GTPBP1: variants seen among roughly 807,000 people sequenced by gnomAD.
GTPBP1 encodes the protein GTP binding protein 1, also known as GTP-binding protein 1.
In GTPBP1, 23 loss-of-function variants were observed where a neutral mutation model predicts 62.0. That is an observed-to-expected ratio of 0.37 (90% confidence interval 0.27 to 0.53). The LOEUF is 0.53. Ranked by LOEUF, GTPBP1 falls within the 20% of genes least tolerant of loss-of-function variation. The pLI is 0.89. For synonymous variants in GTPBP1, 344 were observed against 364.4 expected (o/e 0.94, Z 0.64); for missense variants, 640 against 917.3 (o/e 0.70, Z 3.90).
At position 38,727,623 on chromosome 22, in the gene GTPBP1, G is replaced by A. The variant is rs1049251277; in HGVS notation, c.1537+275G>A. Among the ~76,000 whole-genome samples, 4 of 152,166 alleles carry A rather than the reference G, an allele frequency of 2.6e-5. No individual in the cohort carries two copies. The highest frequency in any genetic ancestry group is 4.4e-5 in the Non-Finnish European group (3 of 68,022). Reference sequence around the variant, plus strand: ...TGCTGAACGCTGCTATGTGCCCAGCGGTGTTGCTAAGGTGCTGGGAACAAA... The same window carrying A: ...TGCTGAACGCTGCTATGTGCCCAGCAGTGTTGCTAAGGTGCTGGGAACAAA... On this transcript the variant is annotated intron_variant, in intron 9 of 11. Coordinates refer to ENST00000216044, the MANE Select transcript of GTPBP1 (RefSeq NM_004286.5). The surrounding 1 kb of genome is among the most constrained non-coding windows in gnomAD (Gnocchi z 6.5).
rs1197124799 is a variant in GTPBP1 at position 38,730,355 on chromosome 22, G to A, written c.1918-257G>A. On this transcript the variant is annotated intron_variant, in intron 11 of 11. Coordinates refer to ENST00000216044, the MANE Select transcript of GTPBP1 (RefSeq NM_004286.5). The surrounding 1 kb of genome is among the most constrained non-coding windows in gnomAD (Gnocchi z 5.6). ...TGCTCTGCTTTGTGCTTCTCTGAAC[G>A]GCCGCTTCTCACACCCTCATCATGT... Among the ~76,000 whole-genome samples the A allele has an allele frequency of 1.3e-5, 2 of 152,062 alleles. No individual in the cohort carries two copies. The highest frequency in any genetic ancestry group is 2.1e-4 in the South Asian group (1 of 4,822).
In GTPBP1 at chr22:38,731,010, TTGTGTGTGTGTGTGTG is replaced by T. The variant is rs397836314; in HGVS notation, c.*331_*346del. The T allele has an allele frequency of 1.1e-4, 21 of 183,658 alleles. No homozygotes were observed. Among genetic ancestry groups the T allele is most frequent in the East Asian group, 6.3e-4 (4 of 6,390 alleles). 11.4% of individuals were successfully genotyped at this position (183,658 alleles called of 1,614,324 possible). A position where few individuals can be genotyped will look rare whatever the true frequency, so the allele number is the denominator to read the frequency against. ...TATTATATGTCTCTGTCTCTCTCTA[TTGTGTGTGTGTGTGTG>T]TGTGTGTGTGTGTGTGTGTGTGTGG... On this transcript the variant is annotated 3_prime_UTR_variant, in exon 12 of 12. Transcript: ENST00000216044.
chr22:38,736,372 C>G, downstream of GTPBP1: 1 of 1,613,206 alleles, frequency 6.2e-7, no homozygotes, highest in South Asian at 1.1e-5. Context: ...ACGTGGCCAT[C>G]GTAGGGGCCT....
chr22:38,711,578 A>G (rs535996946), intron 2 of GTPBP1, among the ~76,000 whole-genome samples: 32 of 152,322 alleles, frequency 2.1e-4, no homozygotes, highest in African/African-American at 7.7e-4. Flanking sequence ...AAGAAGACTC[A>G]TGCCTATAAT....
intron 4 of GTPBP1, among the ~76,000 whole-genome samples, chr22:38,718,838 C>T (rs1428593531): frequency 1.3e-5 from 2 of 152,152 alleles, no homozygotes; most frequent in Non-Finnish European, 2.9e-5. Flanking sequence ...GTACTCAGAT[C>T]AGCAAATGTG....
Position 38,726,525 on chromosome 22 carries a change from C to T in GTPBP1, c.1401+85C>T. ...GATGCCCTGCTCACCCACTCTAGTC[C>T]TCATGGCTGCTCTGCAAGGTCGGGA... is the stretch of plus-strand genomic sequence containing the variant. On this transcript the variant is annotated intron_variant, in intron 8 of 11. Coordinates refer to ENST00000216044, the MANE Select transcript of GTPBP1 (RefSeq NM_004286.5). The surrounding 1 kb of genome is among the most constrained non-coding windows in gnomAD (Gnocchi z 4.1). 8.9e-7 allele frequency: 1 copy of T among 1,126,280 alleles called. No homozygotes were observed. Among genetic ancestry groups the T allele is most frequent in the Non-Finnish European group, 1.3e-6 (1 of 763,292 alleles). The allele number at this position is 1,126,280 out of a possible 1,614,324, so 69.8% of individuals were successfully genotyped here.
chr22:38,721,931 T>C, intron 5 of GTPBP1, 66 bp downstream of exon 5: 1 of 1,276,280 alleles, frequency 7.8e-7, no homozygotes, highest in South Asian at 1.8e-5. Flanking sequence ...TGCCTTCAGG[T>C]GGTCTGCTAC....
At position 38,728,186 on chromosome 22, in the gene GTPBP1, G is replaced by C. The variant is rs114506749; in HGVS notation, c.1716+25G>C. On this transcript the variant is annotated intron_variant, in intron 10 of 11. Transcript: ENST00000216044. ...GGTATGGCCAGGACAGACCTTGCCT[G>C]CCTCCAGGAAGCACCAGGGGCCACT... 1.6e-5 allele frequency: 25 copies of C among 1,581,190 alleles called. No homozygotes were observed. The East Asian group carries it at 2.5e-4, about 16-fold the overall frequency.
chr22:38,730,135 C>G lies in GTPBP1; in HGVS notation c.1917+473C>G, dbSNP rs981433354. 1.3e-5 allele frequency among the ~76,000 whole-genome samples: 2 copies of G among 152,128 alleles called. No homozygotes were observed. The highest frequency in any genetic ancestry group is 3.9e-4 in the East Asian group (2 of 5,172). ...CCAGTGCGCCTCTTACTCGGCATCT[C>G]CTGCCAGCTGTCTCCCACAGGCACT... On this transcript the variant is annotated intron_variant, in intron 11 of 11. Transcript: ENST00000216044. The surrounding 1 kb of genome is among the most constrained non-coding windows in gnomAD (Gnocchi z 5.6).
downstream of GTPBP1, chr22:38,735,564 C>T (rs1603208660): frequency 4.4e-6 from 1 of 228,376 alleles, no homozygotes; most frequent in South Asian, 4.7e-5. Flanking sequence ...CAACTACCGT[C>T]CCCAGCAGAG....
chr22:38,739,013 T>G (rs768719781), downstream of GTPBP1: 1 of 1,591,296 alleles, frequency 6.3e-7, no homozygotes, highest in South Asian at 1.1e-5. This position sits in a 1 kb window ranked among gnomAD's most constrained non-coding sequence, Gnocchi z 6.7. Context: ...GAAGGCAGGG[T>G]GGGCTCCCGC....
intron 2 of GTPBP1, among the ~76,000 whole-genome samples, chr22:38,713,610 G>A (rs2092652435): frequency 6.6e-6 from 1 of 152,198 alleles, no homozygotes; most frequent in Non-Finnish European, 1.5e-5. Context: ...GAAGGAACTG[G>A]TCAGGCAGTA....
chr22:38,730,589 C>G lies in GTPBP1; in HGVS notation c.1918-23C>G. 2 of 1,535,272 alleles carry G rather than the reference C, an allele frequency of 1.3e-6. No homozygotes were observed. Among genetic ancestry groups the G allele is most frequent in the Non-Finnish European group, 1.8e-6 (2 of 1,116,316 alleles). On this transcript the variant is annotated intron_variant, in intron 11 of 11. Coordinates refer to ENST00000216044, the MANE Select transcript of GTPBP1 (RefSeq NM_004286.5). This position sits in a 1 kb window ranked among gnomAD's most constrained non-coding sequence, Gnocchi z 5.6. ...CTGCTCCTGATGGGCCAGTGCTTCT[C>G]AAGCTCCTTCTCTCTCTTTCAGCCT...
chr22:38,741,763 C>T (rs2092859730), downstream of GTPBP1, among the ~76,000 whole-genome samples: 1 of 152,212 alleles, frequency 6.6e-6, no homozygotes, highest in South Asian at 2.1e-4. Context: ...AGGTACCATG[C>T]TGGGGCTTTC....
intron 2 of GTPBP1, among the ~76,000 whole-genome samples, chr22:38,709,353 G>C (rs1029650194): frequency 3.9e-5 from 6 of 152,026 alleles, no homozygotes; most frequent in Admixed American, 3.9e-4. Flanking sequence ...TTCTGCTTAT[G>C]TGTCTCAGTT....
At chr22:38,717,899 G>A (rs1004208123) in intron 4 of GTPBP1, among the ~76,000 whole-genome samples, 2 of 152,156 alleles carry the variant, frequency 1.3e-5, no homozygotes, top group African/African-American at 4.8e-5. Context: ...GTGTTCCCTC[G>A]GCAAGGCCTT....
Position 38,729,654 on chromosome 22 carries a change from C to T in GTPBP1, c.1909C>T (p.Gln637Ter). 6.7e-7 allele frequency: 1 copy of T among 1,498,776 alleles called. No homozygotes were observed. The allele number at this position is 1,498,776 out of a possible 1,614,324, so 92.8% of individuals were successfully genotyped here. A position where few individuals can be genotyped will look rare whatever the true frequency, so the allele number is the denominator to read the frequency against. The change falls in exon 11 of 12, where the codon CAG becomes TAG. Residue 637 changes from glutamine to a stop codon, truncating the protein, a stop_gained. Coordinates refer to ENST00000216044, the MANE Select transcript of GTPBP1 (RefSeq NM_004286.5). LOFTEE classifies it high-confidence loss of function. ...GCAACCAGCTGCGTCCAGCAATCTC[C>T]AGCCTCAGGTGAGCACGGGCCCCTC... ...AGQPAASSNL[Q>*]PQPKPSSGGR... is the part of the protein sequence containing the mutation.
intron 5 of GTPBP1, 57 bp downstream of exon 5, chr22:38,721,922 G>A (rs1452060827): frequency 7.3e-6 from 10 of 1,370,462 alleles, no homozygotes; most frequent in Non-Finnish European, 9.9e-6. Context: ...CACCTGCTGT[G>A]CCTTCAGGTG....
intron 2 of GTPBP1, among the ~76,000 whole-genome samples, chr22:38,711,659 T>C (rs978631764): frequency 2.6e-5 from 4 of 152,008 alleles, no homozygotes; most frequent in Admixed American, 6.5e-5. Flanking sequence ...CTGGCTAACA[T>C]AGTGAAACCC....
Sources: gnomAD v4.1 joint callset for allele counts (sites outside exome capture counted in the v4.1 genomes callset) on GRCh38, gnomAD v4.1.1 for gene constraint, Gnocchi (gnomAD v3.1) non-coding constraint, MANE v1.5 for transcripts, NCBI Gene and HGNC (gene_info 2026-07-23, HGNC 2026-07-21) for gene names.